Variants in TMTC2 observed in about 807,000 individuals in gnomAD.
The protein encoded by TMTC2 is protein O-mannosyl-transferase TMTC2.
In TMTC2, 43 loss-of-function variants were observed where a neutral mutation model predicts 82.4. The ratio of observed to expected loss-of-function variants is 0.52; its 90% CI spans 0.41 to 0.67. The LOEUF is 0.67. TMTC2 is among the 30% of genes least tolerant of loss of function. The pLI is 0.00. For synonymous variants in TMTC2, 408 were observed against 381.9 expected, an observed-to-expected ratio of 1.07 and a Z score of -0.80; for missense variants, 919 against 1,012.4, an observed-to-expected ratio of 0.91 and a Z score of 1.25.
At chr12:82,997,032 G>C (rs931950078) in intron 8 of TMTC2, among the ~76,000 whole-genome samples, 1 of 151,670 alleles carries the variant, frequency 6.6e-6, no homozygotes, top group African/African-American at 2.4e-5. Context: ...GTTTTCCTGA[G>C]GGTGTCTGTC....
chr12:83,093,695 T>C (rs1016523147), intron 11 of TMTC2, among the ~76,000 whole-genome samples: 2 of 152,168 alleles, frequency 1.3e-5, no homozygotes, highest in African/African-American at 4.8e-5. Flanking sequence ...TGAAGAGAGC[T>C]AATAAGCTAC....
chr12:83,018,557 C>A (rs1467018481), intron 8 of TMTC2, among the ~76,000 whole-genome samples: 1 of 152,132 alleles, frequency 6.6e-6, no homozygotes, highest in Admixed American at 6.5e-5. Context: ...ATGGAGATCA[C>A]ATTGACCACT....
At chr12:82,811,037 C>G (rs1027734689) in intron 1 of TMTC2, among the ~76,000 whole-genome samples, 1 of 152,004 alleles carries the variant, frequency 6.6e-6, no homozygotes, top group Non-Finnish European at 1.5e-5. Flanking sequence ...CGAGACCATC[C>G]TGGCTAACAC....
chr12:82,976,055 G>A (rs544742433), intron 7 of TMTC2, among the ~76,000 whole-genome samples: 2 of 151,966 alleles, frequency 1.3e-5, no homozygotes, highest in Non-Finnish European at 2.9e-5. Flanking sequence ...CAACATACTC[G>A]TGAATATGCA....
At chr12:82,723,720 G>A (rs1451862581) in intron 1 of TMTC2, among the ~76,000 whole-genome samples, 1 of 152,136 alleles carries the variant, frequency 6.6e-6, no homozygotes, top group African/African-American at 2.4e-5. Flanking sequence ...TTGGATTTTA[G>A]ATTTTCAGAT....
intron 1 of TMTC2, among the ~76,000 whole-genome samples, chr12:82,828,192 C>T (rs1446611677): frequency 6.7e-6 from 1 of 149,214 alleles, no homozygotes; most frequent in Non-Finnish European, 1.5e-5. Context: ...CGTGCCTGGC[C>T]CTTTTGCTTT....
In TMTC2 at chr12:83,133,032, T is replaced by C. The variant is rs1885315569; in HGVS notation, c.*643T>C. 2 of 152,258 alleles carry C rather than the reference T, an allele frequency of 1.3e-5. No homozygotes were observed. The highest frequency in any genetic ancestry group is 4.8e-5 in the African/African-American group (2 of 41,446). 9.4% of individuals were successfully genotyped at this position (152,258 alleles called of 1,614,324 possible). A position where few individuals can be genotyped will look rare whatever the true frequency, so the allele number is the denominator to read the frequency against. ...ATTCTTTTGGACATCATTTGCTTTT[T>C]ATGTTCTGAAAAGGATATGGAGAGT... On this transcript the variant is annotated 3_prime_UTR_variant, in exon 12 of 12. Transcript: ENST00000321196.
intron 1 of TMTC2, among the ~76,000 whole-genome samples, chr12:82,734,801 A>G (rs571524423): frequency 8.5e-4 from 130 of 152,312 alleles, no homozygotes; most frequent in African/African-American, 3.0e-3. Flanking sequence ...TTATCCAACC[A>G]ATATTTACTG....
At chr12:82,818,699 T>A (rs1329141365) in intron 1 of TMTC2, among the ~76,000 whole-genome samples, 2 of 152,168 alleles carry the variant, frequency 1.3e-5, no homozygotes, top group African/African-American at 4.8e-5. Context: ...GTTAAATAGT[T>A]TTGTAGCATT....
At chr12:82,916,479 A>G (rs2137219615) in intron 3 of TMTC2, among the ~76,000 whole-genome samples, 1 of 152,314 alleles carries the variant, frequency 6.6e-6, no homozygotes, top group South Asian at 2.1e-4. Context: ...AGACAAGTGC[A>G]TGCAAACCCC....
At chr12:82,852,992 A>C (rs1871062118) in intron 1 of TMTC2, among the ~76,000 whole-genome samples, 1 of 152,166 alleles carries the variant, frequency 6.6e-6, no homozygotes, top group Non-Finnish European at 1.5e-5. Context: ...TGTCTCCCTT[A>C]GTATAGTATG....
At chr12:82,916,473 A>G (rs1483257988) in intron 3 of TMTC2, among the ~76,000 whole-genome samples, 1 of 152,222 alleles carries the variant, frequency 6.6e-6, no homozygotes, top group Admixed American at 6.5e-5. Flanking sequence ...GATGGAAGAC[A>G]AGTGCATGCA....
chr12:82,866,444 A>G (rs560315510), intron 2 of TMTC2, among the ~76,000 whole-genome samples: 105 of 152,288 alleles, frequency 6.9e-4, no homozygotes, highest in Middle Eastern at 3.4e-3. Context: ...TTCTATCAGC[A>G]CTGAATTTCA....
chr12:82,995,705 C>G (rs1234205434), intron 8 of TMTC2, among the ~76,000 whole-genome samples: 1 of 152,164 alleles, frequency 6.6e-6, no homozygotes, highest in Non-Finnish European at 1.5e-5. Context: ...TTTTCTTCAT[C>G]TTATGAAGAA....
intron 1 of TMTC2, among the ~76,000 whole-genome samples, chr12:82,837,142 A>G (rs528117544): frequency 9.2e-5 from 14 of 152,338 alleles, no homozygotes; most frequent in East Asian, 7.7e-4. Flanking sequence ...TGATTTGGAC[A>G]TATGGTCCAC....
chr12:82,850,071 G>A (rs1870891116), intron 1 of TMTC2, among the ~76,000 whole-genome samples: 1 of 151,990 alleles, frequency 6.6e-6, no homozygotes, highest in Non-Finnish European at 1.5e-5. Context: ...GGGGGTAAGG[G>A]CAGTGTCATC....
intron 1 of TMTC2, among the ~76,000 whole-genome samples, chr12:82,808,707 C>G (rs1268854974): frequency 6.6e-6 from 1 of 152,074 alleles, no homozygotes; most frequent in African/African-American, 2.4e-5. Context: ...CCACTGCTTG[C>G]TGCATCTCAA....
rs1885117225 is a variant in TMTC2 at position 83,127,001 on chromosome 12, C to T, written c.2332-5209C>T. ...GGTACAGTTGCTGCTTCAGTAAGTTCAATTGGGCAAGCAATTTCAACTGAA... is the reference window on the plus strand; with the variant it reads ...GGTACAGTTGCTGCTTCAGTAAGTTTAATTGGGCAAGCAATTTCAACTGAA... On this transcript the variant is annotated intron_variant, in intron 11 of 11. Transcript: ENST00000321196. Among the ~76,000 whole-genome samples the T allele has an allele frequency of 2.0e-5, 3 of 152,062 alleles. No homozygotes were observed. In the South Asian group the frequency reaches 6.2e-4, roughly 32 times the overall value.
chr12:82,851,738 AT>A (rs1397090683), intron 1 of TMTC2, among the ~76,000 whole-genome samples: 1 of 151,888 alleles, frequency 6.6e-6, no homozygotes, highest in African/African-American at 2.4e-5. Flanking sequence ...TTATTTATTT[AT>A]TTTTTTTAAT....
Sources: allele counts gnomAD v4.1 joint callset (sites outside exome capture counted in the v4.1 genomes callset), GRCh38; gene constraint gnomAD v4.1.1; transcripts MANE v1.5; gene names NCBI Gene and HGNC (gene_info 2026-07-23, HGNC 2026-07-21).